The following SMYD3 variants were observed in gnomAD, a reference collection of about 807,000 sequenced individuals.
SMYD3 encodes histone-lysine N-methyltransferase SMYD3.
In SMYD3, 36 loss-of-function variants were observed where a neutral mutation model predicts 57.7. The observed-to-expected ratio is 0.62, with a 90% CI of 0.48 to 0.82. SMYD3 has a LOEUF of 0.82. SMYD3 is among the 40% of genes least tolerant of loss of function. The probability of loss-of-function intolerance (pLI) is 0.00; values close to 1 mark genes in which losing one functional copy is unlikely to be tolerated. For missense variants in SMYD3, 515 were observed against 538.8 expected, an observed-to-expected ratio of 0.96 and a Z score of 0.44; for synonymous variants, 211 against 195.0, an observed-to-expected ratio of 1.08 and a Z score of -0.68.
At chr1:246,453,509 AAC>A (rs1239189018) in intron 1 of SMYD3, among the ~76,000 whole-genome samples, 1 of 152,246 alleles carries the variant, frequency 6.6e-6, no homozygotes, top group Non-Finnish European at 1.5e-5. Flanking sequence ...AAGGTAAAAT[AAC>A]TAGAAATAAA....
chr1:246,323,680 T>A (rs1245483993), intron 5 of SMYD3, among the ~76,000 whole-genome samples: 1 of 152,118 alleles, frequency 6.6e-6, no homozygotes, highest in Non-Finnish European at 1.5e-5. Flanking sequence ...CCTGCTGAAG[T>A]TTTCTGCCTT....
At chr1:245,850,540 T>G (rs1281276431) in intron 10 of SMYD3, among the ~76,000 whole-genome samples, 1 of 151,926 alleles carries the variant, frequency 6.6e-6, no homozygotes, top group Non-Finnish European at 1.5e-5. Context: ...AAAAAAAATT[T>G]CTTTAATTAG....
At chr1:246,379,081 T>TACACACACACAC (rs34560740) in intron 1 of SMYD3, among the ~76,000 whole-genome samples, 4,116 of 130,310 alleles carry the variant, frequency 0.032, 100 homozygotes, top group Non-Finnish European at 0.046. Context: ...CACACATACA[T>TACACACACACAC]ACACACACAC....
At chr1:246,253,885 G>T (rs1446254572) in intron 5 of SMYD3, among the ~76,000 whole-genome samples, 1 of 152,096 alleles carries the variant, frequency 6.6e-6, no homozygotes, top group Non-Finnish European at 1.5e-5. Context: ...CTGCTGGATC[G>T]AATGGTAGTT....
chr1:246,436,137 T>C (rs1438913642), intron 1 of SMYD3, among the ~76,000 whole-genome samples: 1 of 149,152 alleles, frequency 6.7e-6, no homozygotes, highest in African/African-American at 2.5e-5. Flanking sequence ...AGAGAAAATA[T>C]AAAGGCTATG....
In SMYD3 at chr1:245,922,709, G is replaced by C. The variant is rs1355013955; in HGVS notation, c.702+5222C>G. 2.0e-5 allele frequency among the ~76,000 whole-genome samples: 3 copies of C among 151,954 alleles called. No homozygotes were observed. The East Asian group carries it at 5.8e-4, about 29-fold the overall frequency. On this transcript the variant is annotated intron_variant, in intron 7 of 11. Coordinates refer to ENST00000490107, the MANE Select transcript of SMYD3 (RefSeq NM_001167740.2). ...AATCACTATGTAGTAAGCATCATGTGCTGGGCACTGTCCTAGGTAAATAAT... is the reference window on the plus strand; with the variant it reads ...AATCACTATGTAGTAAGCATCATGTCCTGGGCACTGTCCTAGGTAAATAAT...
chr1:246,464,802 T>C (rs559412177), intron 1 of SMYD3, among the ~76,000 whole-genome samples: 1 of 152,338 alleles, frequency 6.6e-6, no homozygotes, highest in African/African-American at 2.4e-5. Flanking sequence ...TGTAGTCTTT[T>C]TTTCCCCCAT....
At chr1:246,074,173 C>T (rs1327324174) in intron 5 of SMYD3, among the ~76,000 whole-genome samples, 7 of 152,070 alleles carry the variant, frequency 4.6e-5, no homozygotes, top group African/African-American at 1.2e-4. Flanking sequence ...AAAGATTAGA[C>T]ACCCCTGGCC....
At chr1:246,458,512 T>G (rs996034302) in intron 1 of SMYD3, among the ~76,000 whole-genome samples, 3 of 144,154 alleles carry the variant, frequency 2.1e-5, no homozygotes, top group African/African-American at 7.6e-5. Context: ...AGTGGTGCGA[T>G]CTCGGCTCAC....
At chr1:246,490,531 T>A (rs1275380586) in intron 1 of SMYD3, among the ~76,000 whole-genome samples, 1 of 152,142 alleles carries the variant, frequency 6.6e-6, no homozygotes, top group Non-Finnish European at 1.5e-5. Flanking sequence ...TAAAACCTAA[T>A]AACCAAATTA....
intron 8 of SMYD3, among the ~76,000 whole-genome samples, chr1:245,896,407 C>T (rs201910375): frequency 2.8e-5 from 1 of 36,354 alleles, no homozygotes; most frequent in East Asian, 8.1e-4. Flanking sequence ...AAAAAAAAAA[C>T]AGGCAATGAT....
intron 5 of SMYD3, among the ~76,000 whole-genome samples, chr1:245,977,092 C>T (rs1462369516): frequency 3.3e-5 from 5 of 152,030 alleles, no homozygotes; most frequent in Non-Finnish European, 5.9e-5. Context: ...TATTGTGACA[C>T]TCTTAACCTC....
Position 246,495,861 on chromosome 1 carries a change from C to T in SMYD3, c.164+11193G>A, listed in dbSNP as rs12022808. Among the ~76,000 whole-genome samples, 22 of 151,484 alleles carry T rather than the reference C, an allele frequency of 1.5e-4. No homozygotes were observed. The East Asian group carries it at 2.1e-3, about 15-fold the overall frequency. ...CAGCTACTCAGAGGGCGGAGGTAGG[C>T]GGCTTAGGTGGCAGAATTGCTTGAA... On this transcript the variant is annotated intron_variant, in intron 1 of 11. Transcript: ENST00000490107.
At chr1:245,998,658 G>A (rs2058977789) in intron 5 of SMYD3, among the ~76,000 whole-genome samples, 1 of 152,090 alleles carries the variant, frequency 6.6e-6, no homozygotes, top group Admixed American at 6.5e-5. Flanking sequence ...CTGCTTCTCG[G>A]TATATGCCCA....
At chr1:246,367,163 A>G (rs775827897) in intron 1 of SMYD3, among the ~76,000 whole-genome samples, 3 of 152,140 alleles carry the variant, frequency 2.0e-5, no homozygotes, top group Non-Finnish European at 4.4e-5. Flanking sequence ...TTTTCTGGTG[A>G]CAGCAACTGT....
At chr1:245,952,325 A>G (rs2057684078) in intron 5 of SMYD3, among the ~76,000 whole-genome samples, 1 of 152,198 alleles carries the variant, frequency 6.6e-6, no homozygotes, top group South Asian at 2.1e-4. Flanking sequence ...GCATGAAAAG[A>G]AAAGGATTAA....
At chr1:245,828,770 C>T (rs1464275023) in intron 10 of SMYD3, among the ~76,000 whole-genome samples, 1 of 151,230 alleles carries the variant, frequency 6.6e-6, no homozygotes, top group African/African-American at 2.4e-5. Context: ...GGCATGATCT[C>T]GGGCTCACTG....
chr1:245,951,251 T>A (rs2057630158), intron 5 of SMYD3, among the ~76,000 whole-genome samples: 1 of 151,842 alleles, frequency 6.6e-6, no homozygotes, highest in African/African-American at 2.4e-5. Context: ...GGGGGTGAAT[T>A]ACCCACTCCA....
intron 5 of SMYD3, among the ~76,000 whole-genome samples, chr1:246,127,241 C>A (rs1004944805): frequency 5.9e-5 from 9 of 152,036 alleles, no homozygotes; most frequent in African/African-American, 2.2e-4. Context: ...CACAAGGCAC[C>A]AGTTCCCATG....
Sources: gnomAD v4.1 joint callset for allele counts (sites outside exome capture counted in the v4.1 genomes callset) on GRCh38, gnomAD v4.1.1 for gene constraint, MANE v1.5 for transcripts, NCBI Gene and HGNC (gene_info 2026-07-23, HGNC 2026-07-21) for gene names.